Variants in SLC6A6 observed in about 807,000 individuals in gnomAD.
The protein encoded by SLC6A6 is sodium- and chloride-dependent taurine transporter.
SLC6A6 carries 16 observed loss-of-function variants against 68.8 expected under a neutral mutation model. The observed-to-expected ratio is 0.23, with a 90% CI of 0.16 to 0.35. SLC6A6 has a LOEUF of 0.35. Ranked by LOEUF, SLC6A6 falls within the 10% of genes least tolerant of loss-of-function variation. The pLI, the probability that SLC6A6 is intolerant of heterozygous loss-of-function variation, is 1.00. For missense variants in SLC6A6, 474 were observed against 802.8 expected (o/e 0.59, Z 4.95); for synonymous variants, 312 against 315.4 (o/e 0.99, Z 0.12).
intron 1 of SLC6A6, among the ~76,000 whole-genome samples, chr3:14,409,599 C>T (rs994481862): frequency 1.3e-5 from 2 of 152,202 alleles, no homozygotes; most frequent in East Asian, 1.9e-4. Flanking sequence ...AGGCACAGGG[C>T]CAGGGCCAAG....
At chr3:14,453,578 A>G (rs889511751) in intron 5 of SLC6A6, among the ~76,000 whole-genome samples, 8 of 152,240 alleles carry the variant, frequency 5.3e-5, no homozygotes, top group Non-Finnish European at 7.3e-5. Flanking sequence ...CTGAGCACCT[A>G]TTAGGTACCA....
intron 6 of SLC6A6, among the ~76,000 whole-genome samples, chr3:14,458,922 T>C (rs2124968388): frequency 6.6e-6 from 1 of 152,350 alleles, no homozygotes; most frequent in Non-Finnish European, 1.5e-5. Flanking sequence ...AGGTTTTAGG[T>C]ATAACTGATA....
At chr3:14,403,546 G>C (rs943023058) in intron 1 of SLC6A6, among the ~76,000 whole-genome samples, 2 of 152,174 alleles carry the variant, frequency 1.3e-5, no homozygotes, top group African/African-American at 2.4e-5. Flanking sequence ...GGCGCTGAGT[G>C]GGGAGAGGTG....
At chr3:14,469,689 A>C (rs1216030562) in intron 9 of SLC6A6, among the ~76,000 whole-genome samples, 3 of 152,112 alleles carry the variant, frequency 2.0e-5, no homozygotes, top group Non-Finnish European at 4.4e-5. Context: ...CACATGCAAC[A>C]ACCTCTGGCC....
chr3:14,428,445 G>A (rs1198266179), intron 2 of SLC6A6, among the ~76,000 whole-genome samples: 1 of 152,218 alleles, frequency 6.6e-6, no homozygotes, highest in Non-Finnish European at 1.5e-5. Context: ...AACTTTCTAA[G>A]TGCCTGCTGT....
At chr3:14,447,903 G>A in intron 5 of SLC6A6, 87 bp downstream of exon 5, 2 of 1,555,842 alleles carry the variant, frequency 1.3e-6, no homozygotes, top group South Asian at 1.2e-5. Context: ...CTGGGATACA[G>A]GAGCCACTGT....
At chr3:14,418,808 AT>A (rs1358835086) in intron 2 of SLC6A6, among the ~76,000 whole-genome samples, 1 of 152,186 alleles carries the variant, frequency 6.6e-6, no homozygotes, top group East Asian at 1.9e-4. Flanking sequence ...TATTGTACAG[AT>A]CAGAAAACTG....
chr3:14,452,634 G>A (rs1402249247), intron 5 of SLC6A6, among the ~76,000 whole-genome samples: 2 of 150,942 alleles, frequency 1.3e-5, no homozygotes, highest in African/African-American at 5.0e-5. Context: ...CTCTCGGCCT[G>A]GACCCCCTAC....
At chr3:14,475,527 A>G (rs918109299) in intron 10 of SLC6A6, among the ~76,000 whole-genome samples, 2 of 152,204 alleles carry the variant, frequency 1.3e-5, no homozygotes, top group Admixed American at 6.5e-5. Context: ...CGGAGAGGCA[A>G]GTGAGGCTCG....
intron 2 of SLC6A6, among the ~76,000 whole-genome samples, chr3:14,438,292 G>A (rs1699906014): frequency 6.6e-6 from 1 of 151,928 alleles, no homozygotes; most frequent in South Asian, 2.1e-4. Flanking sequence ...ACATTAGGCA[G>A]CATCCTGCTT....
chr3:14,436,531 CTTTTTTTTTTTTTTTTTTTTTTTT>C (rs58996264), intron 2 of SLC6A6, among the ~76,000 whole-genome samples: 6 of 112,580 alleles, frequency 5.3e-5, no homozygotes, highest in South Asian at 6.2e-4. Context: ...CAACAACTCC[CTTTTTTTTTTTTTTTTTTTTTTTT>C]TTTTTTTTTT....
chr3:14,438,697 T>C (rs9683047), intron 2 of SLC6A6, among the ~76,000 whole-genome samples: 73,099 of 152,066 alleles, frequency 0.48, 17,757 homozygotes, highest in Admixed American at 0.52. Context: ...AGGCCAGGTA[T>C]GTGCTAGGCA....
chr3:14,458,151 C>T (rs1700413633), intron 6 of SLC6A6, 69 bp downstream of exon 6: 9 of 1,441,410 alleles, frequency 6.2e-6, no homozygotes, highest in South Asian at 1.1e-5. Context: ...TCCCCCACTT[C>T]CCGCCTGCAA....
intron 2 of SLC6A6, among the ~76,000 whole-genome samples, chr3:14,428,774 G>T (rs1205059437): frequency 6.6e-6 from 1 of 152,170 alleles, no homozygotes; most frequent in African/African-American, 2.4e-5. Context: ...GCCTCCGCTG[G>T]CCTTTCCTGC....
In SLC6A6 at chr3:14,466,513, C is replaced by T; in HGVS notation, c.733-3C>T. 6.2e-7 allele frequency: 1 copy of T among 1,609,520 alleles called. No homozygotes were observed. The highest frequency in any genetic ancestry group is 1.1e-5 in the South Asian group (1 of 90,850). On this transcript the variant is annotated splice_region_variant and splice_polypyrimidine_tract_variant and intron_variant, in intron 6 of 14. Coordinates refer to ENST00000622186, the MANE Select transcript of SLC6A6 (RefSeq NM_003043.6). ...GCCTCCTGAATCCCTCTCGCCCTTGCAGGTCGTCTACTTCACAGCCACTTT... is the reference window on the plus strand; with the variant it reads ...GCCTCCTGAATCCCTCTCGCCCTTGTAGGTCGTCTACTTCACAGCCACTTT...
intron 14 of SLC6A6, among the ~76,000 whole-genome samples, chr3:14,483,526 G>A (rs1371201684): frequency 6.6e-6 from 1 of 152,202 alleles, no homozygotes; most frequent in Non-Finnish European, 1.5e-5. Context: ...CCCATTGTAT[G>A]GATGTGGAGA....
At chr3:14,416,659 A>G (rs1699369282) in intron 2 of SLC6A6, among the ~76,000 whole-genome samples, 1 of 152,226 alleles carries the variant, frequency 6.6e-6, no homozygotes, top group Non-Finnish European at 1.5e-5. Context: ...CTTGGTCCCC[A>G]GCCAGTCTGT....
chr3:14,409,021 G>A, intron 1 of SLC6A6, among the ~76,000 whole-genome samples: 1 of 152,150 alleles, frequency 6.6e-6, no homozygotes, highest in Non-Finnish European at 1.5e-5. Context: ...TGTTAGCCAG[G>A]ATGGTCTCGA....
intron 2 of SLC6A6, among the ~76,000 whole-genome samples, chr3:14,419,936 C>T (rs1699449858): frequency 6.6e-6 from 1 of 152,054 alleles, no homozygotes; most frequent in African/African-American, 2.4e-5. Context: ...TGAGATCTCC[C>T]ACGGGGTGTC....
Sources: gnomAD v4.1 joint callset for allele counts (sites outside exome capture counted in the v4.1 genomes callset) on GRCh38, gnomAD v4.1.1 for gene constraint, MANE v1.5 for transcripts, NCBI Gene and HGNC (gene_info 2026-07-23, HGNC 2026-07-21) for gene names.